SGCZ: variants seen among roughly 807,000 people sequenced by gnomAD.
SGCZ encodes the protein sarcoglycan zeta.
In SGCZ, 40 loss-of-function variants were observed where a neutral mutation model predicts 41.3. The observed-to-expected ratio is 0.97, with a 90% CI of 0.75 to 1.26. The LOEUF (loss-of-function observed/expected upper bound fraction) is 1.26, where lower values mean the gene tolerates loss of function less well. Among genes scored for constraint, SGCZ ranks in the 50% most tolerant of loss-of-function variants. The pLI is 0.00. For synonymous variants in SGCZ, 206 were observed against 137.5 expected (o/e 1.50, Z -3.49); for missense variants, 552 against 369.8 (o/e 1.49, Z -4.04).
At chr8:14,736,519 T>G (rs970373802) in intron 1 of SGCZ, among the ~76,000 whole-genome samples, 3 of 152,140 alleles carry the variant, frequency 2.0e-5, no homozygotes, top group African/African-American at 7.2e-5. Flanking sequence ...CAGGTGGTAT[T>G]TGGTTACATG....
At chr8:14,395,871 T>G in intron 2 of SGCZ, among the ~76,000 whole-genome samples, 1 of 152,198 alleles carries the variant, frequency 6.6e-6, no homozygotes, top group East Asian at 1.9e-4. Flanking sequence ...TACTTAAAGT[T>G]ACTGCAAAAA....
At chr8:14,613,578 C>G (rs1033856020) in intron 1 of SGCZ, among the ~76,000 whole-genome samples, 4 of 152,068 alleles carry the variant, frequency 2.6e-5, no homozygotes, top group African/African-American at 2.4e-5. Flanking sequence ...TTCCTATGCT[C>G]AATCATTAAA....
At chr8:14,865,473 TC>T (rs1803897087) in intron 1 of SGCZ, among the ~76,000 whole-genome samples, 1 of 152,026 alleles carries the variant, frequency 6.6e-6, no homozygotes, top group Admixed American at 6.6e-5. Flanking sequence ...AATGAATCAA[TC>T]TCTGTATTAT....
chr8:14,860,194 T>C (rs1031183227), intron 1 of SGCZ, among the ~76,000 whole-genome samples: 2 of 152,090 alleles, frequency 1.3e-5, no homozygotes, highest in African/African-American at 4.8e-5. Flanking sequence ...GTCTTTTTTT[T>C]TGTCTTTTTT....
intron 1 of SGCZ, among the ~76,000 whole-genome samples, chr8:14,968,924 T>C (rs1163581537): frequency 2.6e-5 from 4 of 152,114 alleles, no homozygotes; most frequent in Non-Finnish European, 5.9e-5. Context: ...ACAAATGATA[T>C]TTTCCTGTGC....
intron 1 of SGCZ, among the ~76,000 whole-genome samples, chr8:14,700,230 A>G (rs769465831): frequency 6.6e-6 from 1 of 152,060 alleles, no homozygotes; most frequent in Non-Finnish European, 1.5e-5. Flanking sequence ...AGTGGAATGG[A>G]TTAAGAAAAT....
chr8:14,616,282 CAAAAAAAAA>C (rs11306350), intron 1 of SGCZ, among the ~76,000 whole-genome samples: 1 of 140,114 alleles, frequency 7.1e-6, no homozygotes, highest in Non-Finnish European at 1.5e-5. Context: ...GACTCTGTCT[CAAAAAAAAA>C]AAAGAAAAAA....
At chr8:15,084,048 T>C (rs191428021) in intron 1 of SGCZ, among the ~76,000 whole-genome samples, 127 of 152,328 alleles carry the variant, frequency 8.3e-4, no homozygotes, top group African/African-American at 2.7e-3. Context: ...GTTGAAAATG[T>C]ATACCATGTC....
chr8:15,016,534 G>A (rs983201664), intron 1 of SGCZ, among the ~76,000 whole-genome samples: 1 of 152,202 alleles, frequency 6.6e-6, no homozygotes, highest in Non-Finnish European at 1.5e-5. Flanking sequence ...CAGGGGCGTA[G>A]ACCAGGAACG....
intron 2 of SGCZ, among the ~76,000 whole-genome samples, chr8:14,376,747 A>G (rs1804146657): frequency 6.6e-6 from 1 of 152,210 alleles, no homozygotes; most frequent in Non-Finnish European, 1.5e-5. Context: ...ACCAAACAAC[A>G]TTACCTACAA....
intron 1 of SGCZ, among the ~76,000 whole-genome samples, chr8:14,827,236 CT>C (rs36071307): frequency 0.13 from 15,402 of 122,102 alleles, 865 homozygotes; most frequent in African/African-American, 0.28. Context: ...CTTTTCTTTT[CT>C]TTTTTTTTTT....
intron 2 of SGCZ, among the ~76,000 whole-genome samples, chr8:14,339,102 T>A (rs939163242): frequency 2.6e-5 from 4 of 152,210 alleles, no homozygotes; most frequent in Non-Finnish European, 1.5e-5. Flanking sequence ...ATTATGTTTT[T>A]TTTTCTCCAG....
chr8:14,645,888 T>C (rs1807197863), intron 1 of SGCZ, among the ~76,000 whole-genome samples: 1 of 151,836 alleles, frequency 6.6e-6, no homozygotes, highest in East Asian at 2.0e-4. Flanking sequence ...ATTGAAGTGT[T>C]CCATAATGTA....
At chr8:14,721,379 G>A (rs181441015) in intron 1 of SGCZ, among the ~76,000 whole-genome samples, 2 of 152,232 alleles carry the variant, frequency 1.3e-5, no homozygotes, top group Admixed American at 1.3e-4. Flanking sequence ...ATATCCAAAA[G>A]AGAATACCTG....
intron 7 of SGCZ, among the ~76,000 whole-genome samples, chr8:14,091,735 T>C (rs1189751604): frequency 1.3e-5 from 2 of 152,214 alleles, no homozygotes; most frequent in African/African-American, 2.4e-5. Flanking sequence ...ATTAACCGTT[T>C]GTCAGATGGA....
chr8:14,545,862 C>A (rs1390553856), intron 2 of SGCZ, among the ~76,000 whole-genome samples: 2 of 152,050 alleles, frequency 1.3e-5, no homozygotes, highest in Non-Finnish European at 2.9e-5. Flanking sequence ...CTCTAATGAA[C>A]TTTGTTTTGC....
chr8:14,631,290 T>TTTA (rs983557844), intron 1 of SGCZ, among the ~76,000 whole-genome samples: 1 of 82,236 alleles, frequency 1.2e-5, no homozygotes, highest in Non-Finnish European at 2.7e-5. Flanking sequence ...GAATTCTTTT[T>TTTA]TTATTATTAT....
intron 3 of SGCZ, chr8:14,309,157 T>A (rs942384794): frequency 1.0e-5 from 15 of 1,471,880 alleles, no homozygotes; most frequent in African/African-American, 1.4e-5. Context: ...CACTCTGGTT[T>A]TTTAAAAACG....
chr8:14,629,942 C>G (rs914458388), intron 1 of SGCZ, among the ~76,000 whole-genome samples: 3 of 151,996 alleles, frequency 2.0e-5, no homozygotes, highest in Non-Finnish European at 2.9e-5. Flanking sequence ...CTTGTGATGA[C>G]TTGCATTTTG....
Sources: gnomAD v4.1 joint callset for allele counts (sites outside exome capture counted in the v4.1 genomes callset) on GRCh38, gnomAD v4.1.1 for gene constraint, MANE v1.5 for transcripts, NCBI Gene and HGNC (gene_info 2026-07-23, HGNC 2026-07-21) for gene names.